The following PLXNA4 variants were observed in gnomAD, a reference collection of about 807,000 sequenced individuals.
PLXNA4 encodes plexin-A4.
A neutral mutation model predicts 191.8 loss-of-function variants in PLXNA4; 44 were observed. That is an observed-to-expected ratio of 0.23 (90% confidence interval 0.18 to 0.29). The LOEUF is 0.29. Ranked by LOEUF, PLXNA4 falls within the 10% of genes least tolerant of loss-of-function variation. The pLI, the probability that PLXNA4 is intolerant of heterozygous loss-of-function variation, is 1.00. For synonymous variants in PLXNA4, 1,082 were observed against 1,009.5 expected (o/e 1.07, Z -1.36); for missense variants, 1,800 against 2,488.8 (o/e 0.72, Z 5.89).
At chr7:132,341,701 T>A (rs1803035072) in intron 3 of PLXNA4, among the ~76,000 whole-genome samples, 1 of 152,192 alleles carries the variant, frequency 6.6e-6, no homozygotes, top group Non-Finnish European at 1.5e-5. Context: ...CATTTCTTCC[T>A]CATCATGGCC....
rs1794794044 is a variant in PLXNA4, at chr7:132,127,242, GGGAAGGTAA to G, written c.*3228_*3236del. The G allele has an allele frequency of 6.6e-6, 1 of 152,166 alleles. No individual in the cohort carries two copies. The highest frequency in any genetic ancestry group is 6.5e-5 in the Admixed American group (1 of 15,284). The allele number at this position is 152,166 out of a possible 1,614,324, so 9.4% of individuals were successfully genotyped here. ...TGGGAGGGTACGGGATAAGTTGGAGGGGAAGGTAAGGAAGATGGCCTTTTCTCTCCTTCT... is the reference window on the plus strand; with the variant it reads ...TGGGAGGGTACGGGATAAGTTGGAGGGGAAGATGGCCTTTTCTCTCCTTCT... On this transcript the variant is annotated 3_prime_UTR_variant, in exon 32 of 32. Coordinates refer to ENST00000321063, the MANE Select transcript of PLXNA4 (RefSeq NM_020911.2).
chr7:132,445,509 G>A (rs149985378), intron 3 of PLXNA4, among the ~76,000 whole-genome samples: 12 of 151,918 alleles, frequency 7.9e-5, no homozygotes, highest in African/African-American at 2.9e-4. Context: ...CAGTAGATAA[G>A]AGACTTGTCT....
chr7:132,566,978 C>T (rs1286490151), intron 1 of PLXNA4, among the ~76,000 whole-genome samples: 1 of 152,140 alleles, frequency 6.6e-6, no homozygotes, highest in Non-Finnish European at 1.5e-5. Flanking sequence ...TAAACCAAAA[C>T]TTGAAAGCTT....
intron 3 of PLXNA4, among the ~76,000 whole-genome samples, chr7:132,337,294 C>T (rs979924715): frequency 6.6e-6 from 1 of 152,224 alleles, no homozygotes; most frequent in African/African-American, 2.4e-5. Flanking sequence ...ACTGGCAAGT[C>T]ACATGCACAT....
At chr7:132,452,263 G>A (rs548534374) in intron 3 of PLXNA4, among the ~76,000 whole-genome samples, 3 of 152,178 alleles carry the variant, frequency 2.0e-5, no homozygotes, top group Non-Finnish European at 2.9e-5. Context: ...AAGAGAAATC[G>A]TTCCAGCATG....
chr7:132,624,142 A>G (rs1035827069), intron 2 of PLXNA4, among the ~76,000 whole-genome samples: 1 of 152,208 alleles, frequency 6.6e-6, no homozygotes, highest in African/African-American at 2.4e-5. Context: ...ATTTGGTGAC[A>G]TGCTCAGTGC....
chr7:132,254,628 C>T (rs1366394252), intron 4 of PLXNA4, among the ~76,000 whole-genome samples: 1 of 152,218 alleles, frequency 6.6e-6, no homozygotes, highest in Non-Finnish European at 1.5e-5. Flanking sequence ...CCCAGCGGCG[C>T]TGTGCCAGCC....
At chr7:132,594,517 G>T (rs1233127982) in intron 2 of PLXNA4, among the ~76,000 whole-genome samples, 1 of 152,200 alleles carries the variant, frequency 6.6e-6, no homozygotes, top group Non-Finnish European at 1.5e-5. Flanking sequence ...GAGCAAGTTG[G>T]ACTTGATTTG....
chr7:132,288,218 C>T (rs768682683), intron 4 of PLXNA4, among the ~76,000 whole-genome samples: 1 of 152,142 alleles, frequency 6.6e-6, no homozygotes, highest in Non-Finnish European at 1.5e-5. Context: ...GCAGTAGGAG[C>T]GTGTTGCGCC....
At chr7:132,313,736 C>G (rs182811345) in intron 3 of PLXNA4, among the ~76,000 whole-genome samples, 2 of 152,116 alleles carry the variant, frequency 1.3e-5, no homozygotes, top group East Asian at 3.9e-4. Context: ...AAAGTCATTG[C>G]TTAGGACAAT....
chr7:132,313,251 G>A (rs1273744376), intron 3 of PLXNA4, among the ~76,000 whole-genome samples: 1 of 149,142 alleles, frequency 6.7e-6, no homozygotes, highest in Non-Finnish European at 1.5e-5. Context: ...GTGTTTCAAG[G>A]ACATGTTAAG....
At chr7:132,349,633 A>C (rs181461419) in intron 3 of PLXNA4, among the ~76,000 whole-genome samples, 1 of 152,206 alleles carries the variant, frequency 6.6e-6, no homozygotes, top group Non-Finnish European at 1.5e-5. Flanking sequence ...TAATGAAGCT[A>C]CAGGCTGCTT....
chr7:132,406,783 C>G (rs1217390145), intron 3 of PLXNA4, among the ~76,000 whole-genome samples: 2 of 152,062 alleles, frequency 1.3e-5, no homozygotes, highest in Non-Finnish European at 2.9e-5. Flanking sequence ...TCCCAGGAGC[C>G]ACGCAACCTC....
intron 3 of PLXNA4, among the ~76,000 whole-genome samples, chr7:132,334,787 C>T (rs1802752393): frequency 6.6e-6 from 1 of 152,218 alleles, no homozygotes; most frequent in Non-Finnish European, 1.5e-5. Context: ...TTCTACCAAC[C>T]TGCCCTCAGG....
chr7:132,137,546 A>T (rs2116526388), intron 30 of PLXNA4, among the ~76,000 whole-genome samples: 1 of 152,376 alleles, frequency 6.6e-6, no homozygotes, highest in Admixed American at 6.5e-5. Context: ...TTAACTGCTA[A>T]TTGGAAACCA....
intron 25 of PLXNA4, among the ~76,000 whole-genome samples, chr7:132,150,005 C>A (rs1422958551): frequency 6.6e-6 from 1 of 152,134 alleles, no homozygotes; most frequent in African/African-American, 2.4e-5. Context: ...GTCCCTGGGG[C>A]TCCAGTCCCT....
intron 3 of PLXNA4, among the ~76,000 whole-genome samples, chr7:132,435,328 GACA>G (rs1214358022): frequency 6.6e-6 from 1 of 152,090 alleles, no homozygotes; most frequent in African/African-American, 2.4e-5. Context: ...CTGGAATCTA[GACA>G]ACATCAAGAG....
chr7:132,465,310 C>A (rs1478510792), intron 3 of PLXNA4, among the ~76,000 whole-genome samples: 2 of 152,202 alleles, frequency 1.3e-5, no homozygotes, highest in Admixed American at 1.3e-4. Flanking sequence ...AGCTCTGAAA[C>A]CACTTCGTAC....
chr7:132,189,004 G>GGAAAGGAAA lies in PLXNA4; in HGVS notation c.2857-1398_2857-1397insTTTCCTTTC, dbSNP rs1562908921. On this transcript the variant is annotated intron_variant, in intron 14 of 31. Transcript: ENST00000321063. ...GAAAGGAAAGGAAAGGAGAGAGAGA[G>GGAAAGGAAA]AGAGAGAGAGAGAGAGAGAGAGAGA... Among the ~76,000 whole-genome samples, 5 of 72,234 alleles carry GGAAAGGAAA rather than the reference G, an allele frequency of 6.9e-5. No homozygotes were observed. The East Asian group carries it at 1.4e-3, about 20-fold the overall frequency. 47.4% of individuals were successfully genotyped at this position (72,234 alleles called of 152,430 possible).
Sources: allele counts gnomAD v4.1 joint callset (sites outside exome capture counted in the v4.1 genomes callset), GRCh38; gene constraint gnomAD v4.1.1; transcripts MANE v1.5; gene names NCBI Gene and HGNC (gene_info 2026-07-23, HGNC 2026-07-21).